Variants in LRRC49 observed in about 807,000 individuals in gnomAD.
LRRC49 encodes the protein leucine-rich repeat-containing protein 49.
In LRRC49, 50 loss-of-function variants were observed where a neutral mutation model predicts 83.3. The ratio of observed to expected loss-of-function variants is 0.60; its 90% CI spans 0.48 to 0.76. The LOEUF is 0.76. Ranked by LOEUF, LRRC49 falls within the 30% of genes least tolerant of loss-of-function variation. LRRC49 has a pLI of 0.00. For synonymous variants in LRRC49, 286 were observed against 283.3 expected (o/e 1.01, Z -0.10); for missense variants, 704 against 809.1 (o/e 0.87, Z 1.58).
chr15:70,974,345 G>C (rs1481242914), intron 9 of LRRC49, among the ~76,000 whole-genome samples: 4 of 152,132 alleles, frequency 2.6e-5, no homozygotes, highest in African/African-American at 9.7e-5. Context: ...GCATCATTTT[G>C]AGTAAATTGT....
intron 11 of LRRC49, among the ~76,000 whole-genome samples, chr15:71,004,033 C>T (rs1054377903): frequency 6.6e-6 from 1 of 152,190 alleles, no homozygotes; most frequent in Admixed American, 6.5e-5. Context: ...GTATCCCTAA[C>T]ACCAGTACCT....
rs114792771 is a variant in LRRC49 at position 71,036,698 on chromosome 15, G to A, written c.1704-481G>A. Among the ~76,000 whole-genome samples, 720 of 152,208 alleles carry A rather than the reference G, an allele frequency of 4.7e-3. 10 individuals carry two copies. The highest frequency in any genetic ancestry group is 0.017 in the African/African-American group (701 of 41,528). On this transcript the variant is annotated intron_variant, in intron 14 of 15. Coordinates refer to ENST00000260382, the MANE Select transcript of LRRC49 (RefSeq NM_017691.5). Reference sequence around the variant, plus strand: ...ACAATTGGAGGTTTTTGGTTTTTGGGTTATTTTGGTTTTGCCTAAACTTAA... The same window carrying A: ...ACAATTGGAGGTTTTTGGTTTTTGGATTATTTTGGTTTTGCCTAAACTTAA...
In LRRC49 at chr15:71,008,539, G is replaced by C; in HGVS notation, c.1330G>C (p.Val444Leu). Residue 444 changes from valine to leucine, a missense_variant, in exon 12 of 16, where the codon GTC becomes CTC. Coordinates refer to ENST00000260382, the MANE Select transcript of LRRC49 (RefSeq NM_017691.5). ...SVQTAGMITT[V>L]SFTFIEFDEI... ...TCAAACAGCAGGAATGATCACAACA[G>C]TCTCCTTCACTTTCATAGAATTTGA... 6.2e-7 allele frequency: 1 copy of C among 1,612,688 alleles called. No individual in the cohort carries two copies. Among genetic ancestry groups the C allele is most frequent in the African/African-American group, 1.3e-5 (1 of 74,992 alleles).
At chr15:70,999,256 CT>C (rs111546108) in intron 11 of LRRC49, among the ~76,000 whole-genome samples, 22 of 152,180 alleles carry the variant, frequency 1.4e-4, no homozygotes, top group African/African-American at 5.1e-4. Context: ...TTTGTTGAAA[CT>C]GGACATTTAT....
intron 7 of LRRC49, among the ~76,000 whole-genome samples, chr15:70,919,681 T>G (rs1289391112): frequency 2.6e-5 from 4 of 152,112 alleles, no homozygotes; most frequent in Non-Finnish European, 4.4e-5. Flanking sequence ...TGGTCTTAGC[T>G]TCATCTCTCA....
In LRRC49 at chr15:71,049,778, G is replaced by A; in HGVS notation, c.*166G>A. On this transcript the variant is annotated 3_prime_UTR_variant, in exon 16 of 16. Coordinates refer to ENST00000260382, the MANE Select transcript of LRRC49 (RefSeq NM_017691.5). ...TCATAGCTAAAAGTTAAGAAGGAAG[G>A]AAGGAAAGCAGGAGAAAGGAAGGAT... 1 of 558,310 alleles carries A rather than the reference G, an allele frequency of 1.8e-6. No homozygotes were observed. The highest frequency in any genetic ancestry group is 3.1e-6 in the Non-Finnish European group (1 of 320,940). 34.6% of individuals were successfully genotyped at this position (558,310 alleles called of 1,614,324 possible).
chr15:70,936,928 G>T, intron 8 of LRRC49, 106 bp downstream of exon 8: 2 of 705,510 alleles, frequency 2.8e-6, no homozygotes, highest in Non-Finnish European at 4.9e-6. Context: ...TAGCATGGAA[G>T]ATTTTAAATT....
chr15:71,010,353 G>A (rs149841261), intron 13 of LRRC49, among the ~76,000 whole-genome samples: 154 of 151,942 alleles, frequency 1.0e-3, no homozygotes, highest in Admixed American at 2.2e-3. Flanking sequence ...CAGACTGCCT[G>A]CTATGCAAGA....
intron 7 of LRRC49, among the ~76,000 whole-genome samples, chr15:70,934,321 A>G (rs2035523837): frequency 6.6e-6 from 1 of 152,198 alleles, no homozygotes; most frequent in African/African-American, 2.4e-5. Context: ...ATTGCTAAAA[A>G]ATTGGAGAAA....
intron 9 of LRRC49, among the ~76,000 whole-genome samples, chr15:70,970,103 G>C (rs1216410960): frequency 6.6e-6 from 1 of 152,104 alleles, no homozygotes; most frequent in African/African-American, 2.4e-5. Flanking sequence ...GTATGATATT[G>C]GCTATGGGTT....
intron 15 of LRRC49, among the ~76,000 whole-genome samples, chr15:71,041,300 A>G (rs1044163029): frequency 3.3e-5 from 5 of 152,344 alleles, no homozygotes; most frequent in African/African-American, 9.6e-5. Context: ...AATACAGATA[A>G]TGCAATGAAA....
chr15:70,950,478 T>C (rs183706433), intron 8 of LRRC49, among the ~76,000 whole-genome samples: 1 of 152,198 alleles, frequency 6.6e-6, no homozygotes, highest in Admixed American at 6.5e-5. Context: ...CAGCGTATCA[T>C]TGTGGTTTTG....
chr15:70,913,679 A>G (rs1304782777), intron 6 of LRRC49, among the ~76,000 whole-genome samples: 1 of 152,174 alleles, frequency 6.6e-6, no homozygotes, highest in African/African-American at 2.4e-5. Flanking sequence ...AGGCAAATTA[A>G]TTGGTGTTTT....
intron 1 of LRRC49, chr15:70,859,966 C>T: frequency 1.3e-6 from 1 of 762,940 alleles, no homozygotes. Flanking sequence ...CCACCAGCGG[C>T]TATGCAGGTG....
At chr15:71,012,033 G>A (rs548119281) in intron 13 of LRRC49, among the ~76,000 whole-genome samples, 12 of 152,168 alleles carry the variant, frequency 7.9e-5, no homozygotes, top group African/African-American at 2.4e-4. Flanking sequence ...CTAGATGCCC[G>A]TAATGTCCAG....
intron 5 of LRRC49, among the ~76,000 whole-genome samples, chr15:70,909,882 C>CA (rs2034481685): frequency 6.2e-5 from 5 of 80,836 alleles, no homozygotes; most frequent in East Asian, 4.0e-4. Context: ...ACACACAAAA[C>CA]AAACAAAAAA....
At chr15:70,979,845 T>G (rs745396414) in intron 9 of LRRC49, among the ~76,000 whole-genome samples, 1 of 152,146 alleles carries the variant, frequency 6.6e-6, no homozygotes. Flanking sequence ...TTCTTCTCAT[T>G]CTTTTTTCTT....
intron 8 of LRRC49, among the ~76,000 whole-genome samples, chr15:70,948,217 C>A (rs1234432998): frequency 1.3e-5 from 2 of 152,016 alleles, no homozygotes; most frequent in Non-Finnish European, 2.9e-5. Flanking sequence ...TATTCCACAG[C>A]ATGGTTCTCC....
At chr15:70,951,096 C>T (rs955345648) in intron 8 of LRRC49, among the ~76,000 whole-genome samples, 4 of 152,044 alleles carry the variant, frequency 2.6e-5, no homozygotes, top group Non-Finnish European at 5.9e-5. Flanking sequence ...TCTGGGTTCT[C>T]TATCCTGTTC....
Sources: gnomAD v4.1 joint callset for allele counts (sites outside exome capture counted in the v4.1 genomes callset) on GRCh38, gnomAD v4.1.1 for gene constraint, MANE v1.5 for transcripts, NCBI Gene and HGNC (gene_info 2026-07-23, HGNC 2026-07-21) for gene names.